The following ABR variants were observed in gnomAD, a reference collection of about 807,000 sequenced individuals.
ABR encodes the protein active breakpoint cluster region-related protein.
Under a neutral mutation model 107.2 loss-of-function variants are expected in ABR, and 35 were observed. The observed-to-expected ratio is 0.33, with a 90% CI of 0.25 to 0.43. The LOEUF is 0.43. ABR is among the 20% of genes least tolerant of loss of function. ABR has a pLI of 1.00. For synonymous variants in ABR, 498 were observed against 462.0 expected (o/e 1.08, Z -1.00); for missense variants, 815 against 1,115.2 (o/e 0.73, Z 3.83).
At chr17:1,054,241 C>T (rs529449346) in intron 14 of ABR, among the ~76,000 whole-genome samples, 26 of 152,350 alleles carry the variant, frequency 1.7e-4, no homozygotes, top group African/African-American at 5.3e-4. Flanking sequence ...CATGTGAGTA[C>T]GTCCACACGC....
intron 10 of ABR, among the ~76,000 whole-genome samples, chr17:1,062,896 T>C (rs2034197139): frequency 6.9e-6 from 1 of 143,994 alleles, no homozygotes; most frequent in Admixed American, 7.1e-5. Context: ...CTGAGGGCTA[T>C]GCATGTTCCT....
At chr17:1,196,417 T>C (rs7213962) in intron 1 of ABR, among the ~76,000 whole-genome samples, 145,846 of 152,194 alleles carry the variant, frequency 0.96, 70,183 homozygotes, top group East Asian at 1. Context: ...GTGACAAGAG[T>C]GAAAACTCTG....
At chr17:1,042,291 G>A (rs927938623) in intron 16 of ABR, among the ~76,000 whole-genome samples, 10 of 151,758 alleles carry the variant, frequency 6.6e-5, no homozygotes, top group South Asian at 2.1e-4. Context: ...ATCCGCGGAT[G>A]GATGGATAAA....
intron 1 of ABR, among the ~76,000 whole-genome samples, chr17:1,195,424 A>AT (rs1035685314): frequency 1.3e-5 from 2 of 151,342 alleles, no homozygotes; most frequent in Non-Finnish European, 2.9e-5. Flanking sequence ...TGCTACAGTG[A>AT]TTAACTAGTC....
chr17:1,228,476 G>A (rs1463108213), intron 1 of ABR, among the ~76,000 whole-genome samples: 2 of 152,200 alleles, frequency 1.3e-5, no homozygotes, highest in Non-Finnish European at 2.9e-5. Context: ...GGGATCTGGC[G>A]GGGGCCAGGC....
At chr17:1,185,857 A>T (rs996985380) in intron 1 of ABR, among the ~76,000 whole-genome samples, 1 of 151,262 alleles carries the variant, frequency 6.6e-6, no homozygotes, top group East Asian at 2.0e-4. Flanking sequence ...TTCTTTTGAG[A>T]TGGAGTTTCA....
At chr17:1,114,571 G>C (rs1345575369) in intron 2 of ABR, among the ~76,000 whole-genome samples, 1 of 152,076 alleles carries the variant, frequency 6.6e-6, no homozygotes, top group East Asian at 1.9e-4. Context: ...TCAGGAGTTT[G>C]AGACCATCCT....
At chr17:1,201,326 G>A (rs2042667020) in intron 1 of ABR, among the ~76,000 whole-genome samples, 1 of 152,150 alleles carries the variant, frequency 6.6e-6, no homozygotes. Flanking sequence ...AGTCTCTTCA[G>A]TAATGACGGT....
intron 1 of ABR, among the ~76,000 whole-genome samples, chr17:1,201,771 C>T (rs183230490): frequency 4.8e-4 from 73 of 152,068 alleles, no homozygotes; most frequent in African/African-American, 1.6e-3. Context: ...CTGCCTCCCA[C>T]GTTCACGCCA....
At chr17:1,172,265 A>G (rs2151601456) in intron 1 of ABR, among the ~76,000 whole-genome samples, 1 of 152,272 alleles carries the variant, frequency 6.6e-6, no homozygotes, top group African/African-American at 2.4e-5. Context: ...CAGGGGTGGG[A>G]TTGGGCATTA....
chr17:1,179,116 C>G lies in ABR; in HGVS notation c.61+551G>C, dbSNP rs1370498907. On this transcript the variant is annotated intron_variant, in intron 1 of 22. Transcript: ENST00000302538. The surrounding 1 kb of genome is among the most constrained non-coding windows in gnomAD (Gnocchi z 4.9). ...TCAGCTCCCGCATCCAAACGGCCCC[C>G]GCGGATATCTGCACCCCCCGTCTCC... Among the ~76,000 whole-genome samples, 2 of 151,944 alleles carry G rather than the reference C, an allele frequency of 1.3e-5. No individual in the cohort carries two copies. The highest frequency in any genetic ancestry group is 6.6e-5 in the Admixed American group (1 of 15,260).
At chr17:1,219,111 C>T (rs77028457) in intron 1 of ABR, among the ~76,000 whole-genome samples, 7,160 of 152,078 alleles carry the variant, frequency 0.047, 228 homozygotes, top group East Asian at 0.13. Context: ...GGCGCGATCT[C>T]GGCTCACTGC....
chr17:1,014,351 G>T (rs1437438613), intron 16 of ABR, among the ~76,000 whole-genome samples: 2 of 132,298 alleles, frequency 1.5e-5, no homozygotes, highest in Non-Finnish European at 3.2e-5. Flanking sequence ...TGAGGCAGGA[G>T]AATAGCGTGA....
At chr17:1,221,700 G>A (rs9709032) in intron 1 of ABR, among the ~76,000 whole-genome samples, 75,448 of 151,622 alleles carry the variant, frequency 0.5, 19,308 homozygotes, top group Middle Eastern at 0.56. Flanking sequence ...CGCCAGAAAG[G>A]GCACGGGAAA....
intron 9 of ABR, among the ~76,000 whole-genome samples, chr17:1,068,503 C>T (rs373400674): frequency 1.3e-5 from 2 of 152,306 alleles, no homozygotes; most frequent in East Asian, 3.9e-4. Flanking sequence ...TGATGGTAAA[C>T]GAGTCCCACA....
chr17:1,091,272 C>A (rs372520992), intron 4 of ABR, among the ~76,000 whole-genome samples: 233 of 152,244 alleles, frequency 1.5e-3, no homozygotes, highest in African/African-American at 5.5e-3. Context: ...GCTGGTTCCT[C>A]AGAGCACCCT....
chr17:1,172,047 C>T (rs1271065923), intron 1 of ABR, among the ~76,000 whole-genome samples: 1 of 152,186 alleles, frequency 6.6e-6, no homozygotes, highest in African/African-American at 2.4e-5. Flanking sequence ...TTCCATACAG[C>T]CAGTAAACCC....
At chr17:1,149,638 A>C (rs1730589103) in intron 1 of ABR, among the ~76,000 whole-genome samples, 1 of 152,016 alleles carries the variant, frequency 6.6e-6, no homozygotes, top group African/African-American at 2.4e-5. Flanking sequence ...GCTGGTCTCG[A>C]ACTCCTGACC....
At chr17:1,061,962 A>C (rs1413717786) in intron 10 of ABR, among the ~76,000 whole-genome samples, 2 of 152,188 alleles carry the variant, frequency 1.3e-5, no homozygotes, top group Non-Finnish European at 1.5e-5. Context: ...TGCAATTACA[A>C]TTCAGTACCA....
Sources: gnomAD v4.1 joint callset for allele counts (sites outside exome capture counted in the v4.1 genomes callset) on GRCh38, gnomAD v4.1.1 for gene constraint, Gnocchi (gnomAD v3.1) non-coding constraint, MANE v1.5 for transcripts, NCBI Gene and HGNC (gene_info 2026-07-23, HGNC 2026-07-21) for gene names.